Variants in WFDC1 observed in about 807,000 individuals in gnomAD.
WFDC1 encodes the protein WAP four-disulfide core domain 1, also known as WAP four-disulfide core domain protein 1.
WFDC1 carries 39 observed loss-of-function variants against 32.9 expected under a neutral mutation model. That is an observed-to-expected ratio of 1.19 (90% CI 0.92 to 1.55). The LOEUF (loss-of-function observed/expected upper bound fraction) is 1.55. WFDC1 is among the 40% of genes most tolerant of loss of function. WFDC1 has a pLI of 0.00. For missense variants in WFDC1, 386 were observed against 309.5 expected (o/e 1.25, Z -1.85); for synonymous variants, 184 against 137.4 (o/e 1.34, Z -2.37).
chr16:84,305,279 C>T (rs117912127), intron 1 of WFDC1, among the ~76,000 whole-genome samples: 117 of 152,288 alleles, frequency 7.7e-4, no homozygotes, highest in East Asian at 4.8e-3. Context: ...TGTGTGCCTC[C>T]GTTTCCTCAC....
chr16:84,321,213 A>G (rs1011309323), intron 4 of WFDC1, among the ~76,000 whole-genome samples: 3 of 152,276 alleles, frequency 2.0e-5, no homozygotes, highest in Non-Finnish European at 2.9e-5. Flanking sequence ...AAATGGGTTC[A>G]TAATACTTGA....
intron 2 of WFDC1, among the ~76,000 whole-genome samples, chr16:84,315,081 AAGTGTT>A: frequency 6.6e-6 from 1 of 152,188 alleles, no homozygotes; most frequent in South Asian, 2.1e-4. Context: ...GACTGTAGAG[AAGTGTT>A]CATTGCCTTA....
intron 1 of WFDC1, among the ~76,000 whole-genome samples, chr16:84,299,292 G>A (rs1024818155): frequency 7.2e-5 from 11 of 152,016 alleles, no homozygotes; most frequent in African/African-American, 2.7e-4. Context: ...TGAACCCTGG[G>A]AGGCGGAGGT....
intron 5 of WFDC1, 22 bp from the exon 6 acceptor site, chr16:84,326,860 C>T (rs1195390378): frequency 8.7e-6 from 14 of 1,613,986 alleles, no homozygotes; most frequent in Non-Finnish European, 1.1e-5. Flanking sequence ...TCTACCCCAA[C>T]AGAGCTGTGT....
At chr16:84,312,850 A>T (rs1222668749) in intron 1 of WFDC1, 111 bp from the exon 2 acceptor site, 6 of 596,920 alleles carry the variant, frequency 1.0e-5, no homozygotes, top group Non-Finnish European at 1.3e-5. Flanking sequence ...TCACAAGAGG[A>T]AACGCAGGCT....
chr16:84,296,469 T>A (rs1342165035), intron 1 of WFDC1, among the ~76,000 whole-genome samples: 3 of 151,512 alleles, frequency 2.0e-5, no homozygotes, highest in East Asian at 1.9e-4. Flanking sequence ...TCAGACAGGG[T>A]TTTTAGGGTT....
chr16:84,327,002 G>A, intron 6 of WFDC1, 47 bp downstream of exon 6: 1 of 1,595,812 alleles, frequency 6.3e-7, no homozygotes, highest in South Asian at 1.1e-5. Flanking sequence ...AATGTGGGCA[G>A]CCAGTGTCCT....
At position 84,322,160 on chromosome 16, in the gene WFDC1, C is replaced by CGTGTGTGTGTGTGTGTGTGTGTGT. The variant is rs10687228; in HGVS notation, c.563-2251_563-2228dup. 6.3e-4 allele frequency among the ~76,000 whole-genome samples: 89 copies of CGTGTGTGTGTGTGTGTGTGTGTGT among 142,280 alleles called. 3 individuals carry two copies. The highest frequency in any genetic ancestry group is 1.7e-3 in the East Asian group (8 of 4,648). 93.3% of individuals were successfully genotyped at this position (142,280 alleles called of 152,430 possible). ...GCCTCAGAGCCTGTGTGTGTGTGTG[C>CGTGTGTGTGTGTGTGTGTGTGTGT]GTGTGTGTGTGTGTGTGTGTGTGTG... On this transcript the variant is annotated intron_variant, in intron 4 of 6. Transcript: ENST00000219454.
chr16:84,296,833 C>A (rs1313557770), intron 1 of WFDC1: 1 of 152,100 alleles, frequency 6.6e-6, no homozygotes, highest in African/African-American at 2.4e-5. Context: ...TGGAAGAAGG[C>A]TCAGCATGAG....
At chr16:84,326,820 A>AC in intron 5 of WFDC1, 62 bp from the exon 6 acceptor site, 1 of 1,595,512 alleles carries the variant, frequency 6.3e-7, no homozygotes. Context: ...CTGGTGAGCC[A>AC]CGGGGGGCAT....
At chr16:84,319,192 G>C in intron 3 of WFDC1, 1 of 551,674 alleles carries the variant, frequency 1.8e-6, no homozygotes, top group Non-Finnish European at 3.2e-6. Flanking sequence ...AGTATGTTTG[G>C]GATCAGGTGA....
intron 5 of WFDC1, chr16:84,326,401 C>G (rs1470799272): frequency 6.1e-6 from 1 of 162,630 alleles, no homozygotes. Context: ...CAGCTAATAT[C>G]AAGCAGAAAA....
chr16:84,319,144 C>G (rs984616850), intron 3 of WFDC1: 41 of 466,452 alleles, frequency 8.8e-5, no homozygotes, highest in Non-Finnish European at 1.3e-4. Context: ...AGGGTGTATC[C>G]GTGAACATGT....
chr16:84,308,158 C>T (rs1281591307), intron 1 of WFDC1, among the ~76,000 whole-genome samples: 1 of 152,028 alleles, frequency 6.6e-6, no homozygotes, highest in African/African-American at 2.4e-5. Flanking sequence ...TGCCGCACCA[C>T]CCCCCGCTCC....
chr16:84,322,156 T>TGC (rs776999379), intron 4 of WFDC1, among the ~76,000 whole-genome samples: 96 of 99,022 alleles, frequency 9.7e-4, no homozygotes, highest in Middle Eastern at 9.0e-3. Flanking sequence ...TGTGTGTGTG[T>TGC]GTGCGTGTGT....
intron 6 of WFDC1, chr16:84,327,741 C>A (rs964679450): frequency 1.2e-4 from 18 of 152,162 alleles, no homozygotes; most frequent in African/African-American, 4.1e-4. Context: ...ATTCCTTTGC[C>A]TTGATGTCTC....
chr16:84,294,955 C>G lies in WFDC1; in HGVS notation c.-17C>G. 1 of 1,607,206 alleles carries G rather than the reference C, an allele frequency of 6.2e-7. No individual in the cohort carries two copies. Among genetic ancestry groups the G allele is most frequent in the Non-Finnish European group, 8.5e-7 (1 of 1,176,454 alleles). ...CCTCTTCTGTGTGCGTCTGGAAGGT[C>G]GCTGCCCAGGGAGGAAATGCCTTTA... On this transcript the variant is annotated 5_prime_UTR_variant, in exon 1 of 7. Coordinates refer to ENST00000219454, the MANE Select transcript of WFDC1 (RefSeq NM_021197.4).
chr16:84,322,545 T>C (rs1343633372), intron 4 of WFDC1, among the ~76,000 whole-genome samples: 1 of 152,210 alleles, frequency 6.6e-6, no homozygotes, highest in Non-Finnish European at 1.5e-5. Context: ...CATTTTCCTT[T>C]ATGCTCTCTC....
At position 84,305,075 on chromosome 16, in the gene WFDC1, T is replaced by C. The variant is rs1567652990; in HGVS notation, c.145-7886T>C. Among the ~76,000 whole-genome samples the C allele has an allele frequency of 2.0e-5, 3 of 152,328 alleles. 1 individual carries two copies. In the East Asian group the frequency reaches 5.8e-4, roughly 29 times the overall value. ...CTCTTGGGCAAATGCTTTTAGTTTT[T>C]TTGTGCCTCAGTTTCCTCATCAGTA... is the stretch of plus-strand genomic sequence containing the variant. On this transcript the variant is annotated intron_variant, in intron 1 of 6. Transcript: ENST00000219454.
Sources: gnomAD v4.1 joint callset for allele counts (sites outside exome capture counted in the v4.1 genomes callset) on GRCh38, gnomAD v4.1.1 for gene constraint, MANE v1.5 for transcripts, NCBI Gene and HGNC (gene_info 2026-07-23, HGNC 2026-07-21) for gene names.